Variants in AGMO observed in about 807,000 individuals in gnomAD.
AGMO encodes the protein glyceryl-ether monooxygenase.
In AGMO, 75 loss-of-function variants were observed where a neutral mutation model predicts 60.2. The observed-to-expected ratio is 1.25, with a 90% confidence interval of 1.03 to 1.51. The LOEUF is 1.51. Ranked by LOEUF, AGMO falls within the 40% of genes most tolerant of loss-of-function variation. AGMO has a pLI of 0.00. For synonymous variants in AGMO, 261 were observed against 177.1 expected, an observed-to-expected ratio of 1.47 and a Z score of -3.76; for missense variants, 763 against 525.5, an observed-to-expected ratio of 1.45 and a Z score of -4.42.
chr7:15,170,030 C>G, the AGMO span, among the ~76,000 whole-genome samples: 1 of 152,134 alleles, frequency 6.6e-6, no homozygotes, highest in Non-Finnish European at 1.5e-5. Flanking sequence ...GTACAGTTAC[C>G]TGAGTTGACT....
intron 12 of AGMO, among the ~76,000 whole-genome samples, chr7:15,212,044 A>T (rs910636246): frequency 6.6e-6 from 1 of 151,948 alleles, no homozygotes; most frequent in African/African-American, 2.4e-5. Context: ...GCCTTGGAGA[A>T]TTATTGTTCC....
At chr7:15,542,102 T>C (rs904547988) in intron 3 of AGMO, among the ~76,000 whole-genome samples, 1 of 152,156 alleles carries the variant, frequency 6.6e-6, no homozygotes, top group Non-Finnish European at 1.5e-5. Context: ...GCCCTGTGTG[T>C]GTCTTGATTT....
intron 12 of AGMO, among the ~76,000 whole-genome samples, chr7:15,295,179 C>G (rs1321000371): frequency 6.6e-6 from 1 of 151,534 alleles, no homozygotes; most frequent in East Asian, 1.9e-4. Flanking sequence ...GAATATAAAA[C>G]AGAGAAATGA....
At chr7:15,258,906 G>A (rs1783185099) in intron 12 of AGMO, among the ~76,000 whole-genome samples, 1 of 151,930 alleles carries the variant, frequency 6.6e-6, no homozygotes, top group Non-Finnish European at 1.5e-5. Flanking sequence ...CACTCCACAG[G>A]AAAAAAGAAT....
At chr7:15,400,156 C>T (rs1784515619) in intron 5 of AGMO, among the ~76,000 whole-genome samples, 1 of 152,190 alleles carries the variant, frequency 6.6e-6, no homozygotes, top group Non-Finnish European at 1.5e-5. Context: ...TCACATACAA[C>T]ATTGCTTACA....
intron 12 of AGMO, among the ~76,000 whole-genome samples, chr7:15,361,024 T>C (rs1261212817): frequency 6.6e-6 from 1 of 152,174 alleles, no homozygotes; most frequent in Non-Finnish European, 1.5e-5. Flanking sequence ...GCTAGAATAT[T>C]GGCATTTTTA....
chr7:15,431,871 T>TA (rs912672224), intron 3 of AGMO, among the ~76,000 whole-genome samples: 11 of 151,822 alleles, frequency 7.2e-5, no homozygotes, highest in Non-Finnish European at 1.2e-4. Flanking sequence ...GTGTGGTTTT[T>TA]AAAAAAATTT....
At chr7:15,544,690 T>G in intron 3 of AGMO, 82 bp downstream of exon 3, 2 of 1,118,860 alleles carry the variant, frequency 1.8e-6, no homozygotes, top group Non-Finnish European at 1.2e-6. Flanking sequence ...ATTTATCCAT[T>G]CAATAAATGT....
At chr7:15,529,627 ATATAGAATATATATATATACTATATATT>A (rs1203874403) in intron 3 of AGMO, among the ~76,000 whole-genome samples, 1 of 4,564 alleles carries the variant, frequency 2.2e-4, no homozygotes, top group African/African-American at 1.4e-3. Flanking sequence ...TAGAATATAT[ATATAGAATATATATATATACTATATATT>A]CTATATATAT....
At chr7:15,541,922 T>C (rs1002811940) in intron 3 of AGMO, among the ~76,000 whole-genome samples, 2 of 152,178 alleles carry the variant, frequency 1.3e-5, no homozygotes, top group Admixed American at 1.3e-4. Context: ...AGGAAAGTAA[T>C]ACATTGAATA....
intron 3 of AGMO, among the ~76,000 whole-genome samples, chr7:15,501,608 G>C (rs1043539763): frequency 6.6e-6 from 1 of 151,940 alleles, no homozygotes; most frequent in African/African-American, 2.4e-5. Flanking sequence ...TGAAATAAAA[G>C]ATAATACAGT....
chr7:15,351,531 G>A (rs1469913149), intron 12 of AGMO, among the ~76,000 whole-genome samples: 7 of 152,100 alleles, frequency 4.6e-5, no homozygotes, highest in Non-Finnish European at 1.0e-4. Context: ...GAAAAAAGCA[G>A]ACATCTAGGA....
chr7:15,354,527 T>G (rs1479148946), intron 12 of AGMO, among the ~76,000 whole-genome samples: 2 of 108,984 alleles, frequency 1.8e-5, no homozygotes, highest in African/African-American at 6.5e-5. Flanking sequence ...TATATATATA[T>G]ATATATATAT....
At chr7:15,500,093 G>GTTTTGGT (rs1223245968) in intron 3 of AGMO, among the ~76,000 whole-genome samples, 1 of 151,692 alleles carries the variant, frequency 6.6e-6, no homozygotes, top group Non-Finnish European at 1.5e-5. Flanking sequence ...TTGTCTTACA[G>GTTTTGGT]TTTTGGTTTT....
downstream of AGMO, among the ~76,000 whole-genome samples, chr7:15,199,616 C>G (rs1427170479): frequency 6.6e-6 from 1 of 152,086 alleles, no homozygotes; most frequent in Non-Finnish European, 1.5e-5. Context: ...AATGTAGAAT[C>G]AGGGTCTTGA....
chr7:15,363,980 T>C (rs1296410287), intron 12 of AGMO, among the ~76,000 whole-genome samples: 1 of 152,086 alleles, frequency 6.6e-6, no homozygotes, highest in Admixed American at 6.6e-5. Flanking sequence ...ATGTATAATT[T>C]ATGATTATTT....
At chr7:15,356,927 G>A (rs1405177256) in intron 12 of AGMO, among the ~76,000 whole-genome samples, 1 of 144,444 alleles carries the variant, frequency 6.9e-6, no homozygotes, top group Admixed American at 7.1e-5. Context: ...GGCCAACATG[G>A]CGAAATCCCC....
chr7:15,229,402 A>T, intron 12 of AGMO, among the ~76,000 whole-genome samples: 1 of 151,762 alleles, frequency 6.6e-6, no homozygotes, highest in Admixed American at 6.6e-5. Flanking sequence ...ATAAAATAAA[A>T]TAAAATAAAT....
intron 12 of AGMO, chr7:15,358,326 T>C (rs570063125): frequency 1.6e-5 from 7 of 440,502 alleles, no homozygotes; most frequent in Admixed American, 5.2e-5. Flanking sequence ...AGGCAGCAAA[T>C]TGTTAACCTT....
Sources: allele counts gnomAD v4.1 joint callset (sites outside exome capture counted in the v4.1 genomes callset), GRCh38; gene constraint gnomAD v4.1.1; transcripts MANE v1.5; gene names NCBI Gene and HGNC (gene_info 2026-07-23, HGNC 2026-07-21).